The following OTOGL variants were observed in gnomAD, a reference collection of about 807,000 sequenced individuals.
OTOGL encodes otogelin-like protein.
Under a neutral mutation model 318.5 loss-of-function variants are expected in OTOGL, and 285 were observed. The observed-to-expected ratio is 0.89, with a 90% CI of 0.81 to 0.99. OTOGL has a LOEUF of 0.99. Among genes scored for constraint, OTOGL ranks in the 50% least tolerant of loss-of-function variants. OTOGL has a pLI of 0.00. For missense variants in OTOGL, 2,899 were observed against 2,845.6 expected, an observed-to-expected ratio of 1.02 and a Z score of -0.43; for synonymous variants, 987 against 936.5, an observed-to-expected ratio of 1.05 and a Z score of -0.99.
chr12:80,262,196 C>G, intron 19 of OTOGL, 103 bp downstream of exon 19: 1 of 1,183,210 alleles, frequency 8.5e-7, no homozygotes, highest in Non-Finnish European at 1.1e-6. Flanking sequence ...CTAATTTTCT[C>G]CATTATGGTA....
chr12:80,232,879 T>A lies in OTOGL; in HGVS notation c.612-13T>A. On this transcript the variant is annotated splice_polypyrimidine_tract_variant and intron_variant, in intron 8 of 58. Coordinates refer to ENST00000547103, the MANE Select transcript of OTOGL (RefSeq NM_001378609.3). ...ATCATCATTCTTAGATAGCTTTTGT[T>A]CTGTTTTTCAAGTTTAACATTGCCT... The A allele has an allele frequency of 6.3e-7, 1 of 1,576,954 alleles. No homozygotes were observed. Among genetic ancestry groups the A allele is most frequent in the Non-Finnish European group, 8.6e-7 (1 of 1,160,212 alleles).
intron 24 of OTOGL, among the ~76,000 whole-genome samples, chr12:80,274,627 G>A (rs1353287426): frequency 6.6e-6 from 1 of 152,080 alleles, no homozygotes; most frequent in Non-Finnish European, 1.5e-5. Flanking sequence ...TTTCAATGTA[G>A]ATGAAACAGA....
chr12:80,220,154 C>CTAT (rs998560798), intron 6 of OTOGL, among the ~76,000 whole-genome samples: 5 of 151,216 alleles, frequency 3.3e-5, no homozygotes, highest in Non-Finnish European at 2.9e-5. Flanking sequence ...TAGTAATAGC[C>CTAT]TATTATTATT....
At chr12:80,220,227 T>C (rs1011071223) in intron 6 of OTOGL, among the ~76,000 whole-genome samples, 1 of 152,158 alleles carries the variant, frequency 6.6e-6, no homozygotes, top group Non-Finnish European at 1.5e-5. Flanking sequence ...TGGCACGATC[T>C]TGGCTGACTG....
intron 14 of OTOGL, among the ~76,000 whole-genome samples, chr12:80,253,983 G>T (rs1044978054): frequency 1.3e-5 from 2 of 152,026 alleles, no homozygotes; most frequent in African/African-American, 4.8e-5. Context: ...TAACACTGTT[G>T]TCAAATATGA....
At chr12:80,129,727 A>C (rs1225403567) in intron 1 of OTOGL, among the ~76,000 whole-genome samples, 2 of 152,076 alleles carry the variant, frequency 1.3e-5, no homozygotes, top group Non-Finnish European at 2.9e-5. Flanking sequence ...CAGCCCCATC[A>C]CTTTCCTGAA....
At chr12:80,102,831 T>A (rs1869220501) in intron 1 of OTOGL, 1 of 667,592 alleles carries the variant, frequency 1.5e-6, no homozygotes, top group Non-Finnish European at 2.7e-6. Context: ...CTCGGAGCTC[T>A]AGTCATAAGG....
At chr12:80,133,577 G>A (rs1871366187) in intron 1 of OTOGL, 1 of 151,870 alleles carries the variant, frequency 6.6e-6, no homozygotes, top group Non-Finnish European at 1.5e-5. Context: ...AGCAGCCCAG[G>A]ATACAACCTA....
chr12:80,299,882 G>A (rs1211008268), intron 27 of OTOGL, among the ~76,000 whole-genome samples: 3 of 152,110 alleles, frequency 2.0e-5, no homozygotes, highest in African/African-American at 7.2e-5. Flanking sequence ...AAAGTAAGGC[G>A]TATGGCAACT....
At chr12:80,278,303 A>G (rs1316973740) in intron 25 of OTOGL, 28 bp downstream of exon 25, 2 of 1,443,514 alleles carry the variant, frequency 1.4e-6, no homozygotes, top group African/African-American at 2.8e-5. Flanking sequence ...TTTCACAAAT[A>G]TTTTCCTAAG....
intron 29 of OTOGL, among the ~76,000 whole-genome samples, chr12:80,307,861 C>T (rs1343411545): frequency 6.7e-5 from 9 of 135,174 alleles, no homozygotes; most frequent in African/African-American, 9.5e-5. Context: ...GCTGGCCGGG[C>T]GGGGGGCTGA....
chr12:80,145,909 G>A (rs1249380121), intron 1 of OTOGL, among the ~76,000 whole-genome samples: 3 of 150,890 alleles, frequency 2.0e-5, no homozygotes, highest in African/African-American at 7.4e-5. Flanking sequence ...CATTGATTTT[G>A]TATCCTGAGA....
intron 26 of OTOGL, among the ~76,000 whole-genome samples, chr12:80,294,980 C>A (rs368615793): frequency 1.3e-5 from 2 of 151,896 alleles, no homozygotes; most frequent in East Asian, 1.9e-4. Flanking sequence ...GTCTCTCTCC[C>A]AGCTACTCAG....
At position 80,241,017 on chromosome 12, in the gene OTOGL, TAC is replaced by T. The variant is rs1880327994; in HGVS notation, c.1052+1580_1052+1581del. Among the ~76,000 whole-genome samples the T allele has an allele frequency of 2.0e-5, 3 of 152,098 alleles. No homozygotes were observed. In the South Asian group the frequency reaches 6.2e-4, roughly 31 times the overall value. On this transcript the variant is annotated intron_variant, in intron 11 of 58. Transcript: ENST00000547103. ...TATGAATCCCAAGAAGTATAAGTGA[TAC>T]ATAGAAACTTTTAAAATAAAAAACC...
At position 80,242,914 on chromosome 12, in the gene OTOGL, A is replaced by G. The variant is rs537272572; in HGVS notation, c.1052+3475A>G. 2.6e-5 allele frequency among the ~76,000 whole-genome samples: 4 copies of G among 152,254 alleles called. No individual in the cohort carries two copies. The South Asian group carries it at 6.2e-4, about 24-fold the overall frequency. ...TGACTTGGAACTTGTGTGATACTCC[A>G]CCAATCCTTGAATTATGCCGTCCTG... On this transcript the variant is annotated intron_variant, in intron 11 of 58. Coordinates refer to ENST00000547103, the MANE Select transcript of OTOGL (RefSeq NM_001378609.3).
intron 1 of OTOGL, among the ~76,000 whole-genome samples, chr12:80,127,851 A>G (rs1246132640): frequency 6.6e-6 from 1 of 152,158 alleles, no homozygotes; most frequent in African/African-American, 2.4e-5. Context: ...AGGCTTGTGC[A>G]TGCATCACGT....
At chr12:80,123,150 C>T (rs1870589886) in intron 1 of OTOGL, among the ~76,000 whole-genome samples, 1 of 151,994 alleles carries the variant, frequency 6.6e-6, no homozygotes, top group Non-Finnish European at 1.5e-5. Flanking sequence ...CATCATTTAA[C>T]ATTAGGTATA....
chr12:80,166,470 C>CT lies in OTOGL; in HGVS notation c.-19-42939dup, dbSNP rs201693464. On this transcript the variant is annotated intron_variant, in intron 1 of 58. Transcript: ENST00000547103. The stretch of plus-strand genomic sequence containing the variant: ...AAGTAAACCATATTGTCCTTTCTCT[C>CT]TTTTCACCTTCTTCACTGGAATTCA... Among the ~76,000 whole-genome samples the CT allele has an allele frequency of 1.0e-3, 159 of 152,258 alleles. 2 individuals are homozygous for CT. In the East Asian group the frequency reaches 0.026, roughly 25 times the overall value.
intron 49 of OTOGL, among the ~76,000 whole-genome samples, chr12:80,357,473 A>G (rs1889979778): frequency 6.6e-6 from 1 of 152,108 alleles, no homozygotes; most frequent in Non-Finnish European, 1.5e-5. Context: ...TTTCAGAAGT[A>G]ATCAAAACAA....
Sources: allele counts gnomAD v4.1 joint callset (sites outside exome capture counted in the v4.1 genomes callset), GRCh38; gene constraint gnomAD v4.1.1; transcripts MANE v1.5; gene names NCBI Gene and HGNC (gene_info 2026-07-23, HGNC 2026-07-21).